Variants in CRYBA4 observed in about 807,000 individuals in gnomAD.
CRYBA4 encodes the protein crystallin beta A4.
CRYBA4 carries 30 observed loss-of-function variants against 31.7 expected under a neutral mutation model. That is an observed-to-expected ratio of 0.95 (90% CI 0.71 to 1.28). The LOEUF (loss-of-function observed/expected upper bound fraction) is 1.28, where lower values mean the gene tolerates loss of function less well. Ranked by LOEUF, CRYBA4 falls within the 50% of genes most tolerant of loss-of-function variation. The pLI is 0.00. For synonymous variants in CRYBA4, 102 were observed against 102.3 expected, an observed-to-expected ratio of 1.00 and a Z score of 0.02; for missense variants, 225 against 260.7, an observed-to-expected ratio of 0.86 and a Z score of 0.94.
At chr22:26,593,342 A>G in the CRYBA4 span, among the ~76,000 whole-genome samples, 9 of 151,680 alleles carry the variant, frequency 5.9e-5, no homozygotes, top group African/African-American at 1.9e-4. Context: ...TGTTATGTCA[A>G]TAATTACACT....
chr22:26,629,573 C>G (rs938480538), intron 5 of CRYBA4, among the ~76,000 whole-genome samples: 1 of 151,820 alleles, frequency 6.6e-6, no homozygotes, highest in Non-Finnish European at 1.5e-5. Flanking sequence ...GAAAGCCCGT[C>G]TCTACTAAAA....
At chr22:26,624,025 GTTTAAA>G (rs765011892) in intron 3 of CRYBA4, among the ~76,000 whole-genome samples, 21 of 152,224 alleles carry the variant, frequency 1.4e-4, no homozygotes, top group Non-Finnish European at 2.5e-4. Context: ...ATTTATTTAA[GTTTAAA>G]TTTAATTAGC....
At chr22:26,615,758 C>T in the CRYBA4 span, among the ~76,000 whole-genome samples, 3 of 152,180 alleles carry the variant, frequency 2.0e-5, no homozygotes, top group Admixed American at 6.5e-5. Context: ...AGGTGATCCA[C>T]CTGCCTCGGC....
intron 3 of CRYBA4, 109 bp downstream of exon 3, chr22:26,623,461 T>C: frequency 1.2e-6 from 1 of 841,878 alleles, no homozygotes; most frequent in Non-Finnish European, 2.0e-6. Context: ...AGGCTCTTAC[T>C]GTTGTGCCCT....
the CRYBA4 span, chr22:26,607,896 A>G: frequency 6.2e-7 from 1 of 1,614,126 alleles, no homozygotes; most frequent in South Asian, 1.1e-5. Flanking sequence ...CACCATTTTG[A>G]TGGGCCGGAA....
the CRYBA4 span, among the ~76,000 whole-genome samples, chr22:26,607,067 G>A: frequency 8.0e-5 from 10 of 124,716 alleles, no homozygotes; most frequent in Non-Finnish European, 1.4e-4. Context: ...CCGTCACCCC[G>A]GCTGGAGTGC....
chr22:26,618,387 G>A (rs1929429172), upstream of CRYBA4, among the ~76,000 whole-genome samples: 1 of 152,234 alleles, frequency 6.6e-6, no homozygotes, highest in Non-Finnish European at 1.5e-5. Flanking sequence ...ACTGCGCGCT[G>A]TGTGGCTTTT....
the CRYBA4 span, chr22:26,599,488 A>T: frequency 1.2e-6 from 2 of 1,609,064 alleles, no homozygotes; most frequent in Non-Finnish European, 1.7e-6. Context: ...TGAGGTGTGG[A>T]CTCACTTGGG....
the CRYBA4 span, among the ~76,000 whole-genome samples, chr22:26,606,783 C>G: frequency 3.3e-5 from 5 of 152,306 alleles, no homozygotes; most frequent in African/African-American, 1.2e-4. Flanking sequence ...ATGTTCCCAT[C>G]ATGGAAGACA....
At chr22:26,619,320 G>A (rs1929459709), upstream of CRYBA4, among the ~76,000 whole-genome samples, 1 of 152,126 alleles carries the variant, frequency 6.6e-6, no homozygotes, top group Non-Finnish European at 1.5e-5. Context: ...GCCTCAGGAC[G>A]GAGGAACAGA....
intron 2 of CRYBA4, 67 bp from the exon 3 acceptor site, chr22:26,623,167 G>A: frequency 1.5e-6 from 2 of 1,343,402 alleles, no homozygotes; most frequent in Admixed American, 1.7e-5. Context: ...CCTGGGGCGA[G>A]CCCCCAACCT....
chr22:26,599,844 C>T, the CRYBA4 span, among the ~76,000 whole-genome samples: 2 of 152,248 alleles, frequency 1.3e-5, no homozygotes, highest in Non-Finnish European at 2.9e-5. Flanking sequence ...GACTTTGCCT[C>T]TCTGATAGGC....
At chr22:26,624,823 C>T (rs1415506449) in intron 3 of CRYBA4, among the ~76,000 whole-genome samples, 4 of 152,206 alleles carry the variant, frequency 2.6e-5, no homozygotes, top group Admixed American at 6.5e-5. Context: ...GTAGGAACCC[C>T]GTGGCTGAAG....
chr22:26,623,227 G>A lies in CRYBA4; in HGVS notation c.40-7G>A. The A allele has an allele frequency of 6.2e-7, 1 of 1,608,144 alleles. No homozygotes were observed. Among genetic ancestry groups the A allele is most frequent in the Non-Finnish European group, 8.5e-7 (1 of 1,177,212 alleles). The stretch of plus-strand genomic sequence containing the variant: ...CGGATCTCCACCTTTTTTTTTTCCT[G>A]GCACAGATGGTGGTGTGGGATGAGG... On this transcript the variant is annotated splice_region_variant and splice_polypyrimidine_tract_variant and intron_variant, in intron 2 of 5. Transcript: ENST00000354760.
At chr22:26,610,951 G>T in the CRYBA4 span, among the ~76,000 whole-genome samples, 3 of 152,114 alleles carry the variant, frequency 2.0e-5, no homozygotes, top group African/African-American at 7.2e-5. Flanking sequence ...TCAAAGTGGG[G>T]GAGACAAGAG....
At chr22:26,590,783 AC>A in the CRYBA4 span, among the ~76,000 whole-genome samples, 1 of 152,098 alleles carries the variant, frequency 6.6e-6, no homozygotes, top group South Asian at 2.1e-4. Flanking sequence ...CCCAAAAAAA[AC>A]CCTGCAAAAA....
chr22:26,623,283 C>T lies in CRYBA4; in HGVS notation c.89C>T (p.Thr30Met), dbSNP rs147222776. Residue 30 changes from threonine to methionine, a missense_variant, in exon 3 of 6, where the codon ACG becomes ATG. Physicochemically the swap from Thr to Met is moderately conservative, Grantham distance 81 (BLOSUM62 -1). Coordinates refer to ENST00000354760, the MANE Select transcript of CRYBA4 (RefSeq NM_001886.3). Reference sequence around the variant, plus strand: ...TTCCAGGGCCGGCGGCACGAGTTCACGGCCGAGTGCCCCAGCGTGCTGGAG... The same window carrying T: ...TTCCAGGGCCGGCGGCACGAGTTCATGGCCGAGTGCCCCAGCGTGCTGGAG... ...DGFQGRRHEF[T>M]AECPSVLELG... 124 of 1,613,826 alleles carry T rather than the reference C, an allele frequency of 7.7e-5. No individual in the cohort carries two copies. In the African/African-American group the frequency reaches 1.1e-3, roughly 14 times the overall value.
At chr22:26,622,495 T>C in intron 1 of CRYBA4, 90 bp from the exon 2 acceptor site, 1 of 1,119,704 alleles carries the variant, frequency 8.9e-7, no homozygotes, top group Non-Finnish European at 1.4e-6. Context: ...ACTCCCTATG[T>C]GGATCCTGAC....
upstream of CRYBA4, among the ~76,000 whole-genome samples, chr22:26,619,271 C>A (rs993671856): frequency 6.6e-6 from 1 of 152,014 alleles, no homozygotes; most frequent in African/African-American, 2.4e-5. Flanking sequence ...AGTGAAGGAG[C>A]GAGAGACGGA....
Sources: allele counts gnomAD v4.1 joint callset (sites outside exome capture counted in the v4.1 genomes callset), GRCh38; gene constraint gnomAD v4.1.1; transcripts MANE v1.5; gene names NCBI Gene and HGNC (gene_info 2026-07-23, HGNC 2026-07-21).